Variants in DMXL2 observed in about 807,000 individuals in gnomAD.
DMXL2 encodes the protein dmX-like protein 2.
In DMXL2, 103 loss-of-function variants were observed where a neutral mutation model predicts 331.1. The observed-to-expected ratio is 0.31, with a 90% CI of 0.27 to 0.37. The LOEUF is 0.37. Among genes scored for constraint, DMXL2 ranks in the 10% least tolerant of loss-of-function variants. The pLI is 1.00. For synonymous variants in DMXL2, 1,281 were observed against 1,252.1 expected (o/e 1.02, Z -0.49); for missense variants, 3,171 against 3,642.9 (o/e 0.87, Z 3.33).
intron 29 of DMXL2, among the ~76,000 whole-genome samples, chr15:51,468,467 C>A (rs2040800741): frequency 6.6e-6 from 1 of 152,102 alleles, no homozygotes; most frequent in Non-Finnish European, 1.5e-5. Flanking sequence ...ATGTTTAAAT[C>A]TATAAGTTCA....
At chr15:51,457,619 G>T in intron 36 of DMXL2, 153 bp from the exon 37 acceptor site, 1 of 770,736 alleles carries the variant, frequency 1.3e-6, no homozygotes, top group Non-Finnish European at 2.0e-6. Flanking sequence ...AATCGCCAAT[G>T]TTAATACTGG....
At chr15:51,501,264 A>G (rs1407556408) in intron 17 of DMXL2, among the ~76,000 whole-genome samples, 1 of 152,190 alleles carries the variant, frequency 6.6e-6, no homozygotes, top group African/African-American at 2.4e-5. Flanking sequence ...CAGTAATTTT[A>G]GCGGCCCCGA....
intron 6 of DMXL2, among the ~76,000 whole-genome samples, chr15:51,559,536 G>C (rs2049817835): frequency 6.6e-6 from 1 of 151,966 alleles, no homozygotes; most frequent in Non-Finnish European, 1.5e-5. Context: ...GCAACATAAG[G>C]AGATAACAAC....
At chr15:51,561,542 G>C (rs1358524210) in intron 6 of DMXL2, among the ~76,000 whole-genome samples, 1 of 152,166 alleles carries the variant, frequency 6.6e-6, no homozygotes, top group Admixed American at 6.5e-5. Context: ...CAAGACGCCA[G>C]TAGTCACAGG....
chr15:51,580,940 TAA>T (rs1567146092), intron 1 of DMXL2, among the ~76,000 whole-genome samples: 1 of 149,378 alleles, frequency 6.7e-6, no homozygotes, highest in Non-Finnish European at 1.5e-5. Context: ...CTAATAGACA[TAA>T]GTCATAGATG....
At chr15:51,516,379 C>T (rs574115753) in intron 14 of DMXL2, among the ~76,000 whole-genome samples, 1 of 152,320 alleles carries the variant, frequency 6.6e-6, no homozygotes, top group East Asian at 1.9e-4. Context: ...CCACTTGAAT[C>T]TGACTTTCAT....
At chr15:51,590,043 A>T (rs1314474833) in intron 1 of DMXL2, among the ~76,000 whole-genome samples, 3 of 152,208 alleles carry the variant, frequency 2.0e-5, no homozygotes, top group African/African-American at 2.4e-5. Context: ...AAAGTGCCCC[A>T]TCTACAGTCC....
chr15:51,501,351 C>T (rs77501538), intron 17 of DMXL2, among the ~76,000 whole-genome samples: 3,459 of 152,304 alleles, frequency 0.023, 44 homozygotes, highest in Middle Eastern at 0.088. Context: ...TCACTTTAAA[C>T]ACAGCTGCCA....
intron 3 of DMXL2, among the ~76,000 whole-genome samples, chr15:51,565,477 C>T (rs1433472374): frequency 3.3e-5 from 5 of 152,170 alleles, no homozygotes; most frequent in African/African-American, 4.8e-5. Flanking sequence ...CATCTGCAAA[C>T]CCCTATCCTT....
At chr15:51,571,476 G>T (rs1445093028) in intron 2 of DMXL2, among the ~76,000 whole-genome samples, 1 of 151,992 alleles carries the variant, frequency 6.6e-6, no homozygotes, top group Non-Finnish European at 1.5e-5. Flanking sequence ...AATCAACAGA[G>T]TATACATTCT....
chr15:51,576,183 TAAAAAAAAA>T lies in DMXL2; in HGVS notation c.88-11_88-3del, dbSNP rs3078066. On this transcript the variant is annotated splice_region_variant and splice_polypyrimidine_tract_variant and intron_variant, in intron 1 of 43. Coordinates refer to ENST00000560891, the MANE Select transcript of DMXL2 (RefSeq NM_001378457.1). Reference sequence around the variant, plus strand: ...AATATCACAGCCTGATCCATATGCCTAAAAAAAAAAAAAAAAAAAAGTTTTACAATACAT... The same window carrying T: ...AATATCACAGCCTGATCCATATGCCTAAAAAAAAAAAGTTTTACAATACAT... 22 of 628,852 alleles carry T rather than the reference TAAAAAAAAA, an allele frequency of 3.5e-5. 1 individual carries two copies. The highest frequency in any genetic ancestry group is 9.8e-4 in the Middle Eastern group (2 of 2,040). 39.0% of individuals were successfully genotyped at this position (628,852 alleles called of 1,614,324 possible). A position where few individuals can be genotyped will look rare whatever the true frequency, so the allele number is the denominator to read the frequency against.
At chr15:51,471,458 T>TA (rs1466002848) in intron 28 of DMXL2, 57 bp from the exon 29 acceptor site, 1 of 1,490,994 alleles carries the variant, frequency 6.7e-7, no homozygotes, top group Non-Finnish European at 9.2e-7. Context: ...TGTTAATTGA[T>TA]AGAGTTAAGC....
chr15:51,486,701 AATT>A (rs1407171325), intron 22 of DMXL2, among the ~76,000 whole-genome samples: 1 of 152,164 alleles, frequency 6.6e-6, no homozygotes, highest in Non-Finnish European at 1.5e-5. Context: ...GCATAATCAT[AATT>A]ATTACTATCT....
At chr15:51,465,513 T>G in intron 31 of DMXL2, 53 bp downstream of exon 31, 2 of 1,315,662 alleles carry the variant, frequency 1.5e-6, no homozygotes, top group Non-Finnish European at 2.2e-6. Context: ...AAAGAGAAAC[T>G]TGACGGCAAT....
At chr15:51,601,293 A>AAAAAAAAAAAG (rs2053212262) in intron 1 of DMXL2, among the ~76,000 whole-genome samples, 1 of 151,166 alleles carries the variant, frequency 6.6e-6, no homozygotes, top group African/African-American at 2.4e-5. Flanking sequence ...TCCATCTCAA[A>AAAAAAAAAAAG]AAAAAAAAAA....
chr15:51,494,680 G>A (rs17603116), intron 19 of DMXL2, among the ~76,000 whole-genome samples: 66,287 of 151,882 alleles, frequency 0.44, 15,156 homozygotes, highest in Non-Finnish European at 0.5. Flanking sequence ...ACATCGCAGA[G>A]CAAAGTTTAC....
chr15:51,570,174 A>C (rs139751177), intron 2 of DMXL2, among the ~76,000 whole-genome samples: 1 of 152,122 alleles, frequency 6.6e-6, no homozygotes, highest in Non-Finnish European at 1.5e-5. Context: ...CGAACTGATC[A>C]AGCAGAAGAA....
chr15:51,542,897 C>CT lies in DMXL2; in HGVS notation c.931-391dup, dbSNP rs2048681205. 2.0e-5 allele frequency among the ~76,000 whole-genome samples: 3 copies of CT among 151,822 alleles called. No individual in the cohort carries two copies. The South Asian group carries it at 6.2e-4, about 32-fold the overall frequency. The stretch of plus-strand genomic sequence containing the variant: ...AAGAATATTGCCTCCCCAATACTGC[C>CT]TCTCACTTAGAATTAAACAGCCAGC... On this transcript the variant is annotated intron_variant, in intron 8 of 43. Transcript: ENST00000560891.
Position 51,465,663 on chromosome 15 carries a change from G to A in DMXL2, c.7521-12C>T, listed in dbSNP as rs780599987. The A allele has an allele frequency of 5.2e-6, 8 of 1,548,794 alleles. No homozygotes were observed. In the Admixed American group the frequency reaches 1.0e-4, roughly 20 times the overall value. On this transcript the variant is annotated splice_polypyrimidine_tract_variant and intron_variant, in intron 30 of 43. Transcript: ENST00000560891. ...GTAGAAGAGCCCAGCTGTTCAAGGAGGGGCAAAAAGAGTCTTTAAGTGAAA... is the reference window on the plus strand; with the variant it reads ...GTAGAAGAGCCCAGCTGTTCAAGGAAGGGCAAAAAGAGTCTTTAAGTGAAA...
Sources: allele counts gnomAD v4.1 joint callset (sites outside exome capture counted in the v4.1 genomes callset), GRCh38; gene constraint gnomAD v4.1.1; transcripts MANE v1.5; gene names NCBI Gene and HGNC (gene_info 2026-07-23, HGNC 2026-07-21).